MASP1: variants seen among roughly 807,000 people sequenced by gnomAD.
MASP1 encodes MBL associated serine protease 1.
Under a neutral mutation model 77.1 loss-of-function variants are expected in MASP1, and 59 were observed. The ratio of observed to expected loss-of-function variants is 0.77; its 90% CI spans 0.62 to 0.95. The LOEUF (loss-of-function observed/expected upper bound fraction) is 0.95, where lower values mean the gene tolerates loss of function less well. Among genes scored for constraint, MASP1 ranks in the 40% least tolerant of loss-of-function variants. MASP1 has a pLI of 0.00. For synonymous variants in MASP1, 362 were observed against 354.5 expected (o/e 1.02, Z -0.24); for missense variants, 885 against 912.9 (o/e 0.97, Z 0.39).
At chr3:187,253,399 TG>T (rs991912816) in intron 5 of MASP1, 84 bp from the exon 6 acceptor site, 1 of 1,405,082 alleles carries the variant, frequency 7.1e-7, no homozygotes, top group Non-Finnish European at 1.0e-6. Context: ...ACCTCTCCAC[TG>T]CACTCTGGGT....
intron 2 of MASP1, among the ~76,000 whole-genome samples, chr3:187,273,198 C>G (rs1169118628): frequency 1.3e-5 from 2 of 152,162 alleles, no homozygotes; most frequent in African/African-American, 4.8e-5. Context: ...CTCGCTGAAG[C>G]CATCAGCAGT....
exon 16 of MASP1, chr3:187,220,190 A>G (rs1711956811): frequency 6.2e-7 from 1 of 1,614,058 alleles, no homozygotes; most frequent in East Asian, 2.2e-5. Context: ...CCCACCAGGT[A>G]CCACTGGCCT....
At chr3:187,243,125 T>A in intron 9 of MASP1, 1 of 327,594 alleles carries the variant, frequency 3.1e-6, no homozygotes, top group Non-Finnish European at 5.9e-6. Context: ...CATGAAGGAG[T>A]TTAACTTGGG....
chr3:187,247,590 C>T (rs539976478), intron 8 of MASP1, among the ~76,000 whole-genome samples: 13 of 152,292 alleles, frequency 8.5e-5, no homozygotes, highest in South Asian at 8.3e-4. Context: ...GAATTTGTAT[C>T]GTTCTGAGAA....
chr3:187,288,120 A>C (rs1285598159), intron 1 of MASP1, among the ~76,000 whole-genome samples: 1 of 152,206 alleles, frequency 6.6e-6, no homozygotes, highest in Non-Finnish European at 1.5e-5. Flanking sequence ...CATTTATTTA[A>C]TTTTTTTCAA....
chr3:187,231,261 AC>A (rs986739804), downstream of MASP1, among the ~76,000 whole-genome samples: 5 of 152,108 alleles, frequency 3.3e-5, no homozygotes, highest in African/African-American at 9.7e-5. Flanking sequence ...GGAGACTGTC[AC>A]CCCTCTCTTG....
intron 10 of MASP1, among the ~76,000 whole-genome samples, chr3:187,238,204 C>T (rs1713331181): frequency 6.6e-6 from 1 of 152,212 alleles, no homozygotes; most frequent in Non-Finnish European, 1.5e-5. Flanking sequence ...CTTTCTCCAA[C>T]CAAGGTGCCA....
chr3:187,219,654 A>AT, exon 16 of MASP1: 1 of 255,692 alleles, frequency 3.9e-6, no homozygotes, highest in South Asian at 5.0e-5. Flanking sequence ...TGCCTGGTAG[A>AT]CACATCGACC....
chr3:187,247,805 A>G (rs1002177612), intron 8 of MASP1, among the ~76,000 whole-genome samples: 1 of 152,094 alleles, frequency 6.6e-6, no homozygotes, highest in African/African-American at 2.4e-5. Flanking sequence ...TTTCTTTACC[A>G]CAGAGTGCAC....
intron 8 of MASP1, chr3:187,247,485 C>G: frequency 1.5e-6 from 2 of 1,306,642 alleles, no homozygotes; most frequent in East Asian, 2.3e-5. Context: ...AAAGCAGAAA[C>G]AGTTTATGCA....
chr3:187,235,485 A>C lies in MASP1; in HGVS notation c.*199T>G. On this transcript the variant is annotated 3_prime_UTR_variant, in exon 11 of 11. Transcript: ENST00000296280. ...GGAAAGAGACTTGGACAAGCTCAGG[A>C]ACACAGGTCTCCTGCCTGGAGCCTT... 6.6e-7 allele frequency: 1 copy of C among 1,525,368 alleles called. No individual in the cohort carries two copies. Among genetic ancestry groups the C allele is most frequent in the South Asian group, 1.2e-5 (1 of 83,024 alleles). 94.5% of individuals were successfully genotyped at this position (1,525,368 alleles called of 1,614,324 possible).
intron 8 of MASP1, chr3:187,244,614 A>G (rs1480443495): frequency 6.6e-6 from 1 of 152,242 alleles, no homozygotes; most frequent in African/African-American, 2.4e-5. Context: ...GAGCCCAGAG[A>G]GGAGACTTGA....
exon 16 of MASP1, chr3:187,217,607 T>C (rs1451026694): frequency 6.6e-6 from 1 of 152,198 alleles, no homozygotes; most frequent in Non-Finnish European, 1.5e-5. Context: ...TCAGTAGAAA[T>C]GCTCAAGAAT....
At chr3:187,291,000 A>G (rs1265306585) in intron 1 of MASP1, among the ~76,000 whole-genome samples, 2 of 150,950 alleles carry the variant, frequency 1.3e-5, no homozygotes, top group Non-Finnish European at 3.0e-5. Context: ...TTTAAGTATG[A>G]TATCTCTTTA....
downstream of MASP1, chr3:187,233,988 G>T: frequency 1.3e-6 from 1 of 787,450 alleles, no homozygotes; most frequent in African/African-American, 1.8e-5. Flanking sequence ...CAACAAGGGA[G>T]ATTTTGGTTT....
intron 11 of MASP1, among the ~76,000 whole-genome samples, chr3:187,228,807 T>G (rs938620310): frequency 4.6e-5 from 7 of 152,194 alleles, no homozygotes; most frequent in Non-Finnish European, 8.8e-5. Context: ...CATTCATCTT[T>G]GGGTCTGAGA....
At position 187,250,139 on chromosome 3, in the gene MASP1, C is replaced by A. The variant is rs1461576560; in HGVS notation, c.1090+112G>T. On this transcript the variant is annotated intron_variant, in intron 8 of 10. Coordinates refer to ENST00000296280, the MANE Select transcript of MASP1 (RefSeq NM_139125.4). ...CTTGTGTGTCTGTTAAATTCCTGCTCCCATCCCCCTTAGAGTGCTCCTGCC... is the reference window on the plus strand; with the variant it reads ...CTTGTGTGTCTGTTAAATTCCTGCTACCATCCCCCTTAGAGTGCTCCTGCC... 5.9e-6 allele frequency: 5 copies of A among 852,686 alleles called. No individual in the cohort carries two copies. In the East Asian group the frequency reaches 1.2e-4, roughly 21 times the overall value. 52.8% of individuals were successfully genotyped at this position (852,686 alleles called of 1,614,324 possible).
intron 2 of MASP1, among the ~76,000 whole-genome samples, chr3:187,275,344 C>T (rs2108590905): frequency 6.6e-6 from 1 of 152,250 alleles, no homozygotes; most frequent in South Asian, 2.1e-4. Context: ...CTGCTGTGTT[C>T]CTGTGACACT....
intron 2 of MASP1, among the ~76,000 whole-genome samples, chr3:187,282,238 C>T (rs1414985402): frequency 6.6e-6 from 1 of 152,116 alleles, no homozygotes; most frequent in African/African-American, 2.4e-5. Flanking sequence ...TGCAGTGGCT[C>T]ACGTCTGTAA....
Sources: allele counts gnomAD v4.1 joint callset (sites outside exome capture counted in the v4.1 genomes callset), GRCh38; gene constraint gnomAD v4.1.1; transcripts MANE v1.5; gene names NCBI Gene and HGNC (gene_info 2026-07-23, HGNC 2026-07-21).